The following MICAL3 variants were observed in gnomAD, a reference collection of about 807,000 sequenced individuals.
MICAL3 encodes microtubule associated monooxygenase, calponin and LIM domain containing 3, also known as [F-actin]-monooxygenase MICAL3.
Under a neutral mutation model 207.4 loss-of-function variants are expected in MICAL3, and 62 were observed. The ratio of observed to expected loss-of-function variants is 0.30; its 90% CI spans 0.24 to 0.37. MICAL3 has a LOEUF of 0.37. Ranked by LOEUF, MICAL3 falls within the 10% of genes least tolerant of loss-of-function variation. The pLI is 1.00. For synonymous variants in MICAL3, 1,077 were observed against 1,069.3 expected, an observed-to-expected ratio of 1.01 and a Z score of -0.14; for missense variants, 2,368 against 2,635.6, an observed-to-expected ratio of 0.90 and a Z score of 2.22.
At chr22:17,875,431 T>A (rs1569107932) in intron 16 of MICAL3, 1 of 1,519,404 alleles carries the variant, frequency 6.6e-7, no homozygotes. Flanking sequence ...TTTTAGTGAG[T>A]CCTAGGCCAT....
intron 7 of MICAL3, among the ~76,000 whole-genome samples, chr22:17,897,422 C>CAAAAAAAAA (rs71754131): frequency 2.4e-5 from 1 of 41,808 alleles, no homozygotes; most frequent in African/African-American, 8.6e-5. Context: ...GACTCCAACT[C>CAAAAAAAAA]AAAAAAAAAA....
rs2061814614 is a variant in MICAL3, at chr22:17,790,444, G to A, written c.*288C>T. ...AGGGGCACAGCCAGCACATCCTCAG[G>A]GAGCGCGCGGGGTGGTCCCCTGCGT... On this transcript the variant is annotated 3_prime_UTR_variant, in exon 32 of 32. Transcript: ENST00000441493. 1 of 416,766 alleles carries A rather than the reference G, an allele frequency of 2.4e-6. No homozygotes were observed. 25.8% of individuals were successfully genotyped at this position (416,766 alleles called of 1,614,324 possible).
At chr22:17,798,347 G>A (rs1367152954) in intron 29 of MICAL3, among the ~76,000 whole-genome samples, 4 of 152,182 alleles carry the variant, frequency 2.6e-5, no homozygotes, top group African/African-American at 4.8e-5. Flanking sequence ...CAAGGTTAAC[G>A]TCTTCCCCTT....
chr22:17,873,584 A>G (rs945656201), intron 16 of MICAL3, among the ~76,000 whole-genome samples: 3 of 152,236 alleles, frequency 2.0e-5, no homozygotes, highest in African/African-American at 7.2e-5. Flanking sequence ...AGGTGTGGCC[A>G]TGCAGCCAAG....
chr22:17,897,211 A>T (rs927938081), intron 7 of MICAL3, among the ~76,000 whole-genome samples: 2 of 151,996 alleles, frequency 1.3e-5, no homozygotes, highest in Non-Finnish European at 2.9e-5. Flanking sequence ...TCACTTGAGG[A>T]CGTGACTTCG....
intron 29 of MICAL3, 91 bp from the exon 30 acceptor site, chr22:17,791,392 G>T: frequency 8.9e-7 from 1 of 1,117,950 alleles, no homozygotes; most frequent in Non-Finnish European, 1.3e-6. Flanking sequence ...AAAGAGGGCC[G>T]AGCAAGATGC....
At chr22:18,001,166 C>G (rs911617690) in intron 1 of MICAL3, 1 of 152,142 alleles carries the variant, frequency 6.6e-6, no homozygotes, top group Non-Finnish European at 1.5e-5. Flanking sequence ...GCCGGCCGGA[C>G]GCAGGGTTAT....
rs768258471 is a variant in MICAL3 at position 17,818,703 on chromosome 22, G to T, written c.3958C>A (p.Arg1320=). The T allele has an allele frequency of 2.5e-6, 4 of 1,613,664 alleles. No individual in the cohort carries two copies. The East Asian group carries it at 8.9e-5, about 36-fold the overall frequency. Residue 1320 remains arginine, a synonymous_variant, in exon 26 of 32, where the codon CGG becomes AGG. Coordinates refer to ENST00000441493, the MANE Select transcript of MICAL3 (RefSeq NM_015241.3). ...CAGAACTCCTCCACCAGGTCGCTCCGTCTGAGGGCCTCATCCACAGCAAGG... is the reference window on the plus strand; with the variant it reads ...CAGAACTCCTCCACCAGGTCGCTCCTTCTGAGGGCCTCATCCACAGCAAGG... ...SPLAVDEALR[R]SDLVEEFWMK... is the part of the protein sequence containing the mutation.
intron 19 of MICAL3, chr22:17,842,551 T>C (rs531305798): frequency 6.2e-6 from 1 of 162,034 alleles, no homozygotes; most frequent in Admixed American, 5.8e-5. Context: ...TCCTCACAGT[T>C]AGATAAGGCA....
intron 29 of MICAL3, among the ~76,000 whole-genome samples, chr22:17,806,887 T>C (rs1488368683): frequency 1.3e-5 from 2 of 152,246 alleles, no homozygotes; most frequent in Non-Finnish European, 2.9e-5. Context: ...TGGTATATTA[T>C]TTTCCGGCCC....
At chr22:17,962,704 AGGACCCTT>A (rs1185622645) in intron 1 of MICAL3, among the ~76,000 whole-genome samples, 10 of 99,068 alleles carry the variant, frequency 1.0e-4, no homozygotes, top group South Asian at 2.9e-4. Context: ...GCAATTTCCA[AGGACCCTT>A]TGAACAGAAA....
chr22:17,862,742 C>G (rs1926655016), intron 19 of MICAL3: 1 of 985,396 alleles, frequency 1.0e-6, no homozygotes, highest in African/African-American at 1.7e-5. Flanking sequence ...AGTGAGCTCA[C>G]CGGGAGGCAA....
chr22:17,963,586 T>C (rs911781432), intron 1 of MICAL3, among the ~76,000 whole-genome samples: 3 of 152,084 alleles, frequency 2.0e-5, no homozygotes, highest in Non-Finnish European at 4.4e-5. Context: ...AGGAGGGCAG[T>C]GAGCATCTCT....
intron 1 of MICAL3, among the ~76,000 whole-genome samples, chr22:17,967,463 A>AACACACACAC (rs71184751): frequency 5.4e-4 from 68 of 126,132 alleles, no homozygotes; most frequent in African/African-American, 9.9e-4. Context: ...TGTACATGCA[A>AACACACACAC]ACACACACAC....
At chr22:17,801,931 A>C (rs1038282350) in intron 29 of MICAL3, among the ~76,000 whole-genome samples, 27 of 151,476 alleles carry the variant, frequency 1.8e-4, no homozygotes, top group African/African-American at 5.6e-4. Flanking sequence ...ACAACAAAAA[A>C]CCCAAAAAAC....
chr22:17,877,369 G>GGGAGGTTAT (rs1928819495), intron 16 of MICAL3, among the ~76,000 whole-genome samples: 2 of 21,534 alleles, frequency 9.3e-5, no homozygotes, highest in South Asian at 2.0e-3. Context: ...ATGGAGGTTA[G>GGGAGGTTAT]GGAGGTGAGG....
chr22:17,877,493 T>TAGGGAGGTTAGGGAGGTG, intron 16 of MICAL3, among the ~76,000 whole-genome samples: 1 of 101,492 alleles, frequency 9.9e-6, no homozygotes, highest in Middle Eastern at 5.6e-3. Flanking sequence ...TTATGGAGGT[T>TAGGGAGGTTAGGGAGGTG]AGGGAGGTTA....
intron 1 of MICAL3, among the ~76,000 whole-genome samples, chr22:17,971,966 G>A (rs1445214773): frequency 2.0e-5 from 3 of 152,242 alleles, no homozygotes; most frequent in Non-Finnish European, 4.4e-5. Context: ...AGAGGAGGAT[G>A]GCAAGGCAGG....
intron 11 of MICAL3, among the ~76,000 whole-genome samples, chr22:17,892,377 A>G (rs990027248): frequency 9.2e-5 from 14 of 152,236 alleles, no homozygotes; most frequent in East Asian, 7.7e-4. Context: ...TCGGCCATTC[A>G]AAAGAATCTA....
Sources: gnomAD v4.1 joint callset for allele counts (sites outside exome capture counted in the v4.1 genomes callset) on GRCh38, gnomAD v4.1.1 for gene constraint, MANE v1.5 for transcripts, NCBI Gene and HGNC (gene_info 2026-07-23, HGNC 2026-07-21) for gene names.